The following PHKA2 variants were observed in gnomAD, a reference collection of about 807,000 sequenced individuals.
PHKA2 encodes the protein phosphorylase kinase regulatory subunit alpha 2.
Under a neutral mutation model 102.0 loss-of-function variants are expected in PHKA2, and 31 were observed. That is an observed-to-expected ratio of 0.30 (90% confidence interval 0.23 to 0.41). PHKA2 has a LOEUF of 0.41. Ranked by LOEUF, PHKA2 falls within the 10% of genes least tolerant of loss-of-function variation. The pLI, the probability that PHKA2 is intolerant of heterozygous loss-of-function variation, is 1.00. For synonymous variants in PHKA2, 455 were observed against 416.2 expected, an observed-to-expected ratio of 1.09 and a Z score of -1.13; for missense variants, 858 against 1,023.1, an observed-to-expected ratio of 0.84 and a Z score of 2.20.
chrX:18,972,399 T>C (rs918979268), intron 1 of PHKA2, among the ~76,000 whole-genome samples: 4 of 112,290 alleles, frequency 3.6e-5, no homozygotes, highest in Admixed American at 9.5e-5. Flanking sequence ...CTACAGCATG[T>C]GAATTTTAGG....
chrX:18,906,466 G>GGGAGCTGCA, intron 25 of PHKA2, 29 bp downstream of exon 25: 2 of 1,210,180 alleles, frequency 1.7e-6, no homozygotes, highest in Non-Finnish European at 2.2e-6. Flanking sequence ...GGGGTGCGGC[G>GGGAGCTGCA]GGAGCTGCAG....
At chrX:18,972,243 C>A (rs897404397) in intron 1 of PHKA2, among the ~76,000 whole-genome samples, 1 of 112,217 alleles carries the variant, frequency 8.9e-6, no homozygotes, top group African/African-American at 3.2e-5. Context: ...TTCTTGAGGT[C>A]TTTCCTCTTT....
At chrX:18,910,008 T>C (rs2047896154) in intron 20 of PHKA2, among the ~76,000 whole-genome samples, 1 of 112,774 alleles carries the variant, frequency 8.9e-6, no homozygotes, top group Non-Finnish European at 1.9e-5. Context: ...AGTGTGCCAC[T>C]GAGTCTGTTC....
intron 29 of PHKA2, among the ~76,000 whole-genome samples, chrX:18,898,421 G>T (rs2047614902): frequency 8.8e-6 from 1 of 113,053 alleles, no homozygotes; most frequent in Non-Finnish European, 1.9e-5. Flanking sequence ...GTCGAGAAGG[G>T]ATAACCTTCA....
chrX:18,905,727 C>A (rs764925536), intron 26 of PHKA2, 31 bp downstream of exon 26: 2 of 986,247 alleles, frequency 2.0e-6, no homozygotes, highest in East Asian at 6.1e-5. Context: ...AGGCAGCTCC[C>A]TGAAGACGTT....
chrX:18,918,016 C>T (rs755126140), intron 19 of PHKA2, among the ~76,000 whole-genome samples: 35 of 110,695 alleles, frequency 3.2e-4, no homozygotes, highest in African/African-American at 1.0e-3. Flanking sequence ...TCAGGAACCA[C>T]GGAATCCAAC....
intron 7 of PHKA2, among the ~76,000 whole-genome samples, chrX:18,942,718 C>T (rs2048512632): frequency 9.1e-6 from 1 of 109,583 alleles, no homozygotes. Flanking sequence ...GTGGGTGACA[C>T]GTGCCTGTAG....
intron 26 of PHKA2, among the ~76,000 whole-genome samples, chrX:18,901,996 T>C (rs1242079410): frequency 2.7e-5 from 3 of 109,321 alleles, no homozygotes; most frequent in Non-Finnish European, 5.7e-5. Flanking sequence ...GCGCCCGCCA[T>C]CACGCCCGGC....
chrX:18,951,235 G>A lies in PHKA2; in HGVS notation c.323C>T (p.Thr108Ile). 8 of 1,211,721 alleles carry A rather than the reference G, an allele frequency of 6.6e-6. No individual in the cohort carries two copies. Among genetic ancestry groups the A allele is most frequent in the Non-Finnish European group, 8.9e-6 (8 of 895,419 alleles). Residue 108 changes from threonine (T) to isoleucine (I), a missense_variant, in exon 4 of 33, where the codon ACC becomes ATC. Physicochemically the swap from Thr to Ile is moderately conservative, Grantham distance 89. Coordinates refer to ENST00000379942, the MANE Select transcript of PHKA2 (RefSeq NM_000292.3). Reference protein sequence around the residue: ...KVEKFKHTQSTKDSLHAKYNT... With the variant: ...KVEKFKHTQSIKDSLHAKYNT... Reference sequence around the variant, plus strand: ...GTACTTGGCGTGCAGGCTGTCCTTGGTGCTCTGAGTGTGTTTGAACTTCTC... The same window carrying A: ...GTACTTGGCGTGCAGGCTGTCCTTGATGCTCTGAGTGTGTTTGAACTTCTC...
intron 8 of PHKA2, among the ~76,000 whole-genome samples, chrX:18,940,447 C>A (rs2048473206): frequency 8.9e-6 from 1 of 111,885 alleles, no homozygotes; most frequent in South Asian, 3.7e-4. Flanking sequence ...ATTCCCCAGG[C>A]TCCTGGAAGT....
intron 19 of PHKA2, 95 bp downstream of exon 19, chrX:18,918,586 T>A (rs2048059583): frequency 1.1e-6 from 1 of 876,818 alleles, no homozygotes; most frequent in Non-Finnish European, 1.7e-6. Flanking sequence ...GGGCATTTTG[T>A]TGTCTTCTAG....
Position 18,925,659 on chromosome X carries a change from TCTC to T in PHKA2, c.1569+6_1569+8del. On this transcript the variant is annotated splice_donor_region_variant and intron_variant, in intron 15 of 32. Coordinates refer to ENST00000379942, the MANE Select transcript of PHKA2 (RefSeq NM_000292.3). ...AAAAAAAAGATGCTCGTTGGCCTGC[TCTC>T]CTCACCTGGGGTGTAAAAGTAAAGA... The T allele has an allele frequency of 9.8e-7, 1 of 1,024,957 alleles. No individual in the cohort carries two copies. The highest frequency in any genetic ancestry group is 1.8e-5 in the African/African-American group (1 of 54,196). The allele number at this position is 1,024,957 out of a possible 1,213,427, so 84.5% of individuals were successfully genotyped here. A position where few individuals can be genotyped will look rare whatever the true frequency, so the allele number is the denominator to read the frequency against.
chrX:18,957,738 T>TTTTA (rs1556017565), intron 1 of PHKA2, among the ~76,000 whole-genome samples: 1,196 of 95,138 alleles, frequency 0.013, 30 homozygotes, highest in African/African-American at 0.05. Flanking sequence ...TAAAACCAGA[T>TTTTA]TATATATATA....
intron 19 of PHKA2, among the ~76,000 whole-genome samples, chrX:18,914,626 C>CT (rs1322892639): frequency 8.9e-6 from 1 of 112,115 alleles, no homozygotes; most frequent in African/African-American, 3.2e-5. Context: ...CTCACTCACT[C>CT]TGACAGAAGA....
chrX:18,938,838 T>A, intron 9 of PHKA2, 89 bp from the exon 10 acceptor site: 1 of 875,778 alleles, frequency 1.1e-6, no homozygotes, highest in South Asian at 2.1e-5. Context: ...CATGCTTGAC[T>A]GATTTTTACA....
chrX:18,910,122 T>A (rs756257462), intron 20 of PHKA2, among the ~76,000 whole-genome samples: 2 of 112,215 alleles, frequency 1.8e-5, no homozygotes, highest in African/African-American at 6.5e-5. Flanking sequence ...ATTTTTAAAA[T>A]TTTTTTATGC....
At chrX:18,904,559 G>C (rs953267863) in intron 26 of PHKA2, among the ~76,000 whole-genome samples, 3 of 112,292 alleles carry the variant, frequency 2.7e-5, no homozygotes, top group Non-Finnish European at 1.9e-5. Flanking sequence ...ATGATGAGCA[G>C]AACACATTAA....
chrX:18,906,107 G>A (rs999946874), intron 25 of PHKA2, among the ~76,000 whole-genome samples: 1 of 112,193 alleles, frequency 8.9e-6, no homozygotes. Context: ...GATCCCCAAC[G>A]TTGGATGTCT....
intron 1 of PHKA2, among the ~76,000 whole-genome samples, chrX:18,973,229 T>C (rs1445529510): frequency 3.6e-5 from 4 of 111,743 alleles, no homozygotes; most frequent in Non-Finnish European, 7.5e-5. Context: ...GGTCTCAAAC[T>C]CCTGACCTCA....
Sources: gnomAD v4.1 joint callset for allele counts (sites outside exome capture counted in the v4.1 genomes callset) on GRCh38, gnomAD v4.1.1 for gene constraint, MANE v1.5 for transcripts, NCBI Gene and HGNC (gene_info 2026-07-23, HGNC 2026-07-21) for gene names.